Variants in C10orf105 observed in about 807,000 individuals in gnomAD.
C10orf105 encodes chromosome 10 open reading frame 105.
In C10orf105, 2 loss-of-function variants were observed where a neutral mutation model predicts 0.6. That is an observed-to-expected ratio of 3.18 (90% CI 1.30 to 10.01). The LOEUF (loss-of-function observed/expected upper bound fraction) is 10.01, where lower values mean the gene tolerates loss of function less well. C10orf105 is among the 30% of genes most tolerant of loss of function. The pLI is 0.04. For synonymous variants in C10orf105, 95 were observed against 82.4 expected, an observed-to-expected ratio of 1.15 and a Z score of -0.83; for missense variants, 209 against 191.4, an observed-to-expected ratio of 1.09 and a Z score of -0.54.
Position 71,712,566 on chromosome 10 carries a change from G to A in C10orf105, c.*3370C>T. The A allele has an allele frequency of 7.1e-7, 1 of 1,412,958 alleles. No homozygotes were observed. Among genetic ancestry groups the A allele is most frequent in the East Asian group, 2.4e-5 (1 of 41,544 alleles). The allele number at this position is 1,412,958 out of a possible 1,614,324, so 87.5% of individuals were successfully genotyped here. A position where few individuals can be genotyped will look rare whatever the true frequency, so the allele number is the denominator to read the frequency against. On this transcript the variant is annotated 3_prime_UTR_variant, in exon 2 of 2. Coordinates refer to ENST00000441508, the MANE Select transcript of C10orf105 (RefSeq NM_001164375.3). Reference sequence around the variant, plus strand: ...GGCTAGGGCAGATGGGGCGGAACAGGGCACCTCTCTGGCCGGTGCCCGGGA... The same window carrying A: ...GGCTAGGGCAGATGGGGCGGAACAGAGCACCTCTCTGGCCGGTGCCCGGGA...
upstream of C10orf105, among the ~76,000 whole-genome samples, chr10:71,720,869 G>A (rs1352569811): frequency 6.6e-6 from 1 of 152,200 alleles, no homozygotes; most frequent in African/African-American, 2.4e-5. Flanking sequence ...AGTGAGTGGT[G>A]GGGGACTTGG....
At chr10:71,731,337 T>C (rs1367521186) in intron 1 of C10orf105, among the ~76,000 whole-genome samples, 2 of 152,180 alleles carry the variant, frequency 1.3e-5, no homozygotes, top group African/African-American at 4.8e-5. Context: ...CCTCAGATTA[T>C]CTGTGGCATG....
intron 1 of C10orf105, among the ~76,000 whole-genome samples, chr10:71,729,644 CA>C (rs1839288491): frequency 2.0e-5 from 3 of 152,170 alleles, no homozygotes; most frequent in Non-Finnish European, 4.4e-5. Flanking sequence ...AGAAGGTGCA[CA>C]AGTAAAGAGT....
upstream of C10orf105, among the ~76,000 whole-genome samples, chr10:71,720,303 A>G (rs1454145469): frequency 2.0e-5 from 3 of 152,088 alleles, no homozygotes; most frequent in Non-Finnish European, 4.4e-5. Context: ...GGTGAGGGGC[A>G]TCTTCAAAGG....
Position 71,713,367 on chromosome 10 carries a change from TG to T in C10orf105, c.*2568del. On this transcript the variant is annotated 3_prime_UTR_variant, in exon 2 of 2. Transcript: ENST00000441508. ...ACCTCTGCCCAGAGGCCTCAGTTGC[TG>T]GGTGGGGAGGGAGGCCCGGAGTGAA... 1 of 747,008 alleles carries T rather than the reference TG, an allele frequency of 1.3e-6. No homozygotes were observed. The allele number at this position is 747,008 out of a possible 1,614,324, so 46.3% of individuals were successfully genotyped here. A position where few individuals can be genotyped will look rare whatever the true frequency, so the allele number is the denominator to read the frequency against.
rs562831303 is a variant in C10orf105, at chr10:71,736,273, C to T, written c.-6+1455G>A. Among the ~76,000 whole-genome samples, 244 of 152,360 alleles carry T rather than the reference C, an allele frequency of 1.6e-3. 2 individuals are homozygous for T. The highest frequency in any genetic ancestry group is 2.0e-3 in the Non-Finnish European group (139 of 68,016). On this transcript the variant is annotated intron_variant, in intron 1 of 1. Coordinates refer to the C10orf105 transcript ENST00000398786. ...CCCAGGGGCCGCTGCCCCAGATCCA[C>T]CAGCCCCGGTAGCCCCAAACACTGT...
upstream of C10orf105, chr10:71,724,026 G>A (rs376955090): frequency 2.7e-5 from 42 of 1,554,254 alleles, no homozygotes; most frequent in Non-Finnish European, 3.6e-5. Context: ...GAAGTAACTC[G>A]TGTCTCATTC....
chr10:71,720,685 A>G (rs550970984), upstream of C10orf105, among the ~76,000 whole-genome samples: 1 of 152,328 alleles, frequency 6.6e-6, no homozygotes, highest in Non-Finnish European at 1.5e-5. Context: ...GCCCATAAAA[A>G]GAGGCACTGT....
chr10:71,732,600 T>C lies in C10orf105; in HGVS notation c.-6+5128A>G, dbSNP rs1839429132. 5.8e-6 allele frequency: 8 copies of C among 1,386,362 alleles called. No individual in the cohort carries two copies. In the African/African-American group the frequency reaches 8.7e-5, roughly 15 times the overall value. 85.9% of individuals were successfully genotyped at this position (1,386,362 alleles called of 1,614,324 possible). ...GTGAGCTGCGTTTGCACCACTGCAC[T>C]CCAGCCCGGGCAACAGAGTGAGACC... On this transcript the variant is annotated intron_variant, in intron 1 of 1. Transcript: ENST00000398786.
chr10:71,726,628 C>T (rs1866823884), intron 1 of C10orf105, among the ~76,000 whole-genome samples: 1 of 152,254 alleles, frequency 6.6e-6, no homozygotes, highest in African/African-American at 2.4e-5. Context: ...GACTCAGACA[C>T]AGTAACCTGG....
At chr10:71,727,678 C>G (rs1866879248) in intron 1 of C10orf105, among the ~76,000 whole-genome samples, 2 of 152,170 alleles carry the variant, frequency 1.3e-5, no homozygotes, top group South Asian at 4.1e-4. Context: ...CACACACACG[C>G]ACATATGCCC....
In C10orf105 at chr10:71,714,569, G is replaced by T. The variant is rs1866127400; in HGVS notation, c.*1367C>A. On this transcript the variant is annotated 3_prime_UTR_variant, in exon 2 of 2. Coordinates refer to ENST00000441508, the MANE Select transcript of C10orf105 (RefSeq NM_001164375.3). ...TGTGAAGCATAAGCCACAGTTAGTG[G>T]GTGACAGGTCTTTCAGTTTTCCTGG... The T allele has an allele frequency of 6.6e-6, 1 of 152,318 alleles. No homozygotes were observed. The highest frequency in any genetic ancestry group is 1.5e-5 in the Non-Finnish European group (1 of 68,120). 9.4% of individuals were successfully genotyped at this position (152,318 alleles called of 1,614,324 possible). A position where few individuals can be genotyped will look rare whatever the true frequency, so the allele number is the denominator to read the frequency against.
intron 1 of C10orf105, chr10:71,730,335 C>T: frequency 2.7e-6 from 3 of 1,127,904 alleles, no homozygotes; most frequent in Non-Finnish European, 3.7e-6. Flanking sequence ...ACCAGACAGG[C>T]CTGGGGTCCT....
intron 1 of C10orf105, chr10:71,716,560 G>A (rs1866253071): frequency 2.2e-6 from 1 of 453,740 alleles, no homozygotes. Flanking sequence ...CCAAGCTCAG[G>A]CCCTCTTCCT....
chr10:71,725,733 A>G (rs1207092225), intron 1 of C10orf105, among the ~76,000 whole-genome samples: 2 of 152,212 alleles, frequency 1.3e-5, no homozygotes, highest in Non-Finnish European at 2.9e-5. Flanking sequence ...AGCTGTGGAA[A>G]GGAGTCAGTG....
intron 1 of C10orf105, chr10:71,717,383 T>C (rs1866314251): frequency 6.6e-6 from 1 of 152,230 alleles, no homozygotes; most frequent in Non-Finnish European, 1.5e-5. Flanking sequence ...CGGAGCTCAG[T>C]GAGCTGCTCT....
chr10:71,722,104 A>G (rs1395236224), upstream of C10orf105, among the ~76,000 whole-genome samples: 1 of 152,216 alleles, frequency 6.6e-6, no homozygotes, highest in East Asian at 1.9e-4. Flanking sequence ...AGGAAAGCCT[A>G]CATTAGGGCT....
chr10:71,730,181 G>A lies in C10orf105; in HGVS notation c.-6+7547C>T, dbSNP rs577801959. ...ACCACTTTATAGCTGGGAAACTGGGGGCCCCAAAGAGTCACTAATTAGTCA... is the reference window on the plus strand; with the variant it reads ...ACCACTTTATAGCTGGGAAACTGGGAGCCCCAAAGAGTCACTAATTAGTCA... On this transcript the variant is annotated intron_variant, in intron 1 of 1. Transcript: ENST00000398786. 1.6e-3 allele frequency among the ~76,000 whole-genome samples: 243 copies of A among 152,208 alleles called. 6 individuals carry two copies. The South Asian group carries it at 0.05, about 31-fold the overall frequency.
chr10:71,720,122 C>T (rs1377576665), upstream of C10orf105, among the ~76,000 whole-genome samples: 3 of 152,346 alleles, frequency 2.0e-5, no homozygotes, highest in East Asian at 5.8e-4. Flanking sequence ...CACCAGGTTA[C>T]CCTGGAGAGG....
Sources: allele counts gnomAD v4.1 joint callset (sites outside exome capture counted in the v4.1 genomes callset), GRCh38; gene constraint gnomAD v4.1.1; transcripts MANE v1.5; gene names NCBI Gene and HGNC (gene_info 2026-07-23, HGNC 2026-07-21).